Variants in AXIN1 observed in about 807,000 individuals in gnomAD.
AXIN1 encodes axin-1.
Under a neutral mutation model 76.4 loss-of-function variants are expected in AXIN1, and 30 were observed. That is an observed-to-expected ratio of 0.39 (90% CI 0.29 to 0.53). AXIN1 has a LOEUF of 0.53. AXIN1 is among the 20% of genes least tolerant of loss of function. AXIN1 has a pLI of 0.66. For missense variants in AXIN1, 1,140 were observed against 1,198.8 expected, an observed-to-expected ratio of 0.95 and a Z score of 0.72; for synonymous variants, 545 against 501.4, an observed-to-expected ratio of 1.09 and a Z score of -1.16.
rs377646481 is a variant in AXIN1, at chr16:291,261, G to A, written c.2223C>T (p.Cys741=). ...GCACCGGCGCGCACGCTGGCCTGAC[G>A]CAGGCGCGTCCCCGCCGCATAACCT... ...VQEVMRRGRA[C]VRPACAPVLH... Residue 741 remains cysteine, a synonymous_variant, in exon 9 of 11, where the codon TGC becomes TGT. Transcript: ENST00000262320. 260 of 1,583,558 alleles carry A rather than the reference G, an allele frequency of 1.6e-4. No individual in the cohort carries two copies. Among genetic ancestry groups the A allele is most frequent in the Non-Finnish European group, 2.1e-4 (239 of 1,165,658 alleles).
intron 1 of AXIN1, among the ~76,000 whole-genome samples, chr16:350,765 A>G (rs1412877264): frequency 6.6e-6 from 1 of 152,222 alleles, no homozygotes; most frequent in Non-Finnish European, 1.5e-5. Context: ...ACAAGTCAAC[A>G]CCAGCTGAAA....
rs1262044996 is a variant in AXIN1, at chr16:325,134, T to TGG, written c.879-10452_879-10451insCC. On this transcript the variant is annotated intron_variant, in intron 2 of 10. Coordinates refer to ENST00000262320, the MANE Select transcript of AXIN1 (RefSeq NM_003502.4). ...GGCGGCCCCGCACCCCAGGAAACCA[T>TGG]CGCCTCAGCCCCGCGGGCGGCCCCG... is the stretch of plus-strand genomic sequence containing the variant. 3.9e-4 allele frequency among the ~76,000 whole-genome samples: 59 copies of TGG among 150,646 alleles called. 1 individual carries two copies. Among genetic ancestry groups the TGG allele is most frequent in the Admixed American group, 2.8e-3 (42 of 15,140 alleles).
Position 346,925 on chromosome 16 carries a change from G to GACACCA in AXIN1, c.95_100dup (p.Leu32_Val33dup). The stretch of plus-strand genomic sequence containing the variant: ...GTAGCTGGCGGGCCTCGGGTCTGTG[G>GACACCA]ACACCAGTTCTCCCTCCTCACCAGG... On this transcript the variant is annotated inframe_insertion, in exon 2 of 11. Transcript: ENST00000262320. The GACACCA allele has an allele frequency of 6.2e-7, 1 of 1,614,242 alleles. No homozygotes were observed. The highest frequency in any genetic ancestry group is 2.2e-5 in the East Asian group (1 of 44,888).
intron 7 of AXIN1, among the ~76,000 whole-genome samples, chr16:295,046 A>T (rs2052672742): frequency 6.8e-6 from 1 of 147,422 alleles, no homozygotes. Context: ...CCTGGGCAAC[A>T]GAGCAAGACT....
At chr16:335,508 C>G (rs2053785114) in intron 2 of AXIN1, among the ~76,000 whole-genome samples, 1 of 151,888 alleles carries the variant, frequency 6.6e-6, no homozygotes, top group African/African-American at 2.4e-5. Flanking sequence ...ACGCCAATAA[C>G]ACAGCACCCA....
chr16:338,653 T>C (rs2053854397), intron 2 of AXIN1, among the ~76,000 whole-genome samples: 1 of 152,234 alleles, frequency 6.6e-6, no homozygotes, highest in Admixed American at 6.5e-5. Flanking sequence ...CTGGGCACAG[T>C]GGCTCACGCC....
chr16:329,499 G>C (rs1284756307), intron 2 of AXIN1, among the ~76,000 whole-genome samples: 1 of 152,078 alleles, frequency 6.6e-6, no homozygotes, highest in South Asian at 2.1e-4. Context: ...AGGCTGGAGT[G>C]CAATGGCGTG....
At chr16:319,732 C>CT (rs2053396931) in intron 2 of AXIN1, among the ~76,000 whole-genome samples, 1 of 152,194 alleles carries the variant, frequency 6.6e-6, no homozygotes, top group African/African-American at 2.4e-5. Flanking sequence ...CACTGTGGTA[C>CT]TTTCATCTTC....
chr16:290,989 G>C (rs1017979614), intron 9 of AXIN1: 3 of 638,238 alleles, frequency 4.7e-6, no homozygotes, highest in Non-Finnish European at 8.6e-6. Flanking sequence ...ATGCTGGACA[G>C]TCAGCGTCTC....
At chr16:326,121 G>A (rs903610544) in intron 2 of AXIN1, among the ~76,000 whole-genome samples, 2 of 151,814 alleles carry the variant, frequency 1.3e-5, no homozygotes, top group African/African-American at 4.8e-5. Flanking sequence ...TTGGGAGACT[G>A]AGGTGGGCGG....
intron 4 of AXIN1, among the ~76,000 whole-genome samples, chr16:307,765 A>G (rs2053066008): frequency 6.6e-6 from 1 of 152,232 alleles, no homozygotes; most frequent in Non-Finnish European, 1.5e-5. Context: ...TAGCTTTTGC[A>G]AAACCAAGGC....
intron 2 of AXIN1, among the ~76,000 whole-genome samples, chr16:343,416 C>G (rs1223920200): frequency 3.9e-5 from 6 of 152,082 alleles, no homozygotes; most frequent in Non-Finnish European, 7.4e-5. Flanking sequence ...AAATAACCAG[C>G]CGGGGCCGGG....
intron 1 of AXIN1, among the ~76,000 whole-genome samples, chr16:348,973 C>T (rs985114536): frequency 1.3e-5 from 2 of 151,920 alleles, no homozygotes; most frequent in African/African-American, 2.4e-5. Context: ...TGGTGGGCAC[C>T]TGCAGTCCCA....
chr16:318,651 G>A (rs2053360212), intron 2 of AXIN1, among the ~76,000 whole-genome samples: 1 of 152,242 alleles, frequency 6.6e-6, no homozygotes, highest in African/African-American at 2.4e-5. Context: ...GGAGGGGCAT[G>A]TGCTCGCGTG....
intron 4 of AXIN1, among the ~76,000 whole-genome samples, chr16:305,300 C>G (rs1485865180): frequency 6.6e-6 from 1 of 152,156 alleles, no homozygotes; most frequent in Non-Finnish European, 1.5e-5. Flanking sequence ...GAGACCTCAT[C>G]TCTACAAACA....
chr16:325,208 G>T (rs2141636898), intron 2 of AXIN1, among the ~76,000 whole-genome samples: 1 of 152,306 alleles, frequency 6.6e-6, no homozygotes, highest in Admixed American at 6.5e-5. Flanking sequence ...CCGGAAGCCT[G>T]GGGAGGCTTC....
chr16:330,613 G>A (rs1434963337), intron 2 of AXIN1, among the ~76,000 whole-genome samples: 2 of 152,208 alleles, frequency 1.3e-5, no homozygotes. Context: ...TGTCACAAAA[G>A]TCTCTTCAGA....
intron 8 of AXIN1, 27 bp from the exon 9 acceptor site, chr16:291,324 GCTGTGCCGGCGGCCACCAGCC>G: frequency 6.5e-7 from 1 of 1,545,448 alleles, no homozygotes; most frequent in Non-Finnish European, 8.8e-7. Flanking sequence ...GTCAAAGGTG[GCTGTGCCGGCGGCCACCAGCC>G]CTGGGGAGGG....
chr16:288,342 GA>G, intron 10 of AXIN1, 94 bp from the exon 11 acceptor site: 1 of 1,580,138 alleles, frequency 6.3e-7, no homozygotes, highest in Non-Finnish European at 8.7e-7. Context: ...ACCCCATCCC[GA>G]GGAGCCTCCT....
Sources: gnomAD v4.1 joint callset for allele counts (sites outside exome capture counted in the v4.1 genomes callset) on GRCh38, gnomAD v4.1.1 for gene constraint, MANE v1.5 for transcripts, NCBI Gene and HGNC (gene_info 2026-07-23, HGNC 2026-07-21) for gene names.